STPG1: variants seen among roughly 807,000 people sequenced by gnomAD.
STPG1 encodes the protein O(6)-methylguanine-induced apoptosis 2.
A neutral mutation model predicts 40.1 loss-of-function variants in STPG1; 33 were observed. The observed-to-expected ratio is 0.82, with a 90% CI of 0.62 to 1.10. The LOEUF (loss-of-function observed/expected upper bound fraction) is 1.10. STPG1 is among the 50% of genes least tolerant of loss of function. STPG1 has a pLI of 0.00. For synonymous variants in STPG1, 150 were observed against 155.0 expected (o/e 0.97, Z 0.24); for missense variants, 396 against 415.1 (o/e 0.95, Z 0.40).
At chr1:24,378,840 C>A (rs144058360) in intron 5 of STPG1, among the ~76,000 whole-genome samples, 101 of 152,134 alleles carry the variant, frequency 6.6e-4, no homozygotes, top group Non-Finnish European at 1.1e-3. Context: ...TTATGGTAAC[C>A]CTGTAGGGCA....
intron 2 of STPG1, 70 bp from the exon 3 acceptor site, chr1:24,391,749 AG>A: frequency 7.8e-7 from 1 of 1,281,388 alleles, no homozygotes; most frequent in East Asian, 2.7e-5. Flanking sequence ...GAAAACACAA[AG>A]GTGTATATTA....
intron 1 of STPG1, among the ~76,000 whole-genome samples, chr1:24,411,047 G>C (rs942584333): frequency 1.3e-5 from 2 of 152,168 alleles, no homozygotes. Context: ...TGATCCATGT[G>C]AAGTGGTTAA....
At chr1:24,400,995 T>C (rs1643200689) in intron 2 of STPG1, 3 of 238,550 alleles carry the variant, frequency 1.3e-5, no homozygotes, top group Admixed American at 1.0e-4. Flanking sequence ...CAAGTTGAGT[T>C]CTAGGAAATA....
chr1:24,366,171 T>C (rs1261357172), intron 7 of STPG1, among the ~76,000 whole-genome samples: 1 of 152,154 alleles, frequency 6.6e-6, no homozygotes, highest in African/African-American at 2.4e-5. Context: ...CCAAGACAGA[T>C]GAGGGCAGGT....
chr1:24,384,440 T>C (rs948340447), intron 3 of STPG1, among the ~76,000 whole-genome samples: 2 of 152,184 alleles, frequency 1.3e-5, no homozygotes, highest in Non-Finnish European at 2.9e-5. Context: ...CCTCAGCCTT[T>C]CAGAAGAGAA....
chr1:24,403,413 T>G (rs983758024), intron 1 of STPG1, among the ~76,000 whole-genome samples: 10 of 152,198 alleles, frequency 6.6e-5, no homozygotes, highest in Non-Finnish European at 7.4e-5. Context: ...CTTTGTCTTA[T>G]TTTTCAAAAT....
intron 2 of STPG1, among the ~76,000 whole-genome samples, chr1:24,398,246 T>A (rs909007199): frequency 1.3e-5 from 2 of 152,098 alleles, no homozygotes; most frequent in Non-Finnish European, 2.9e-5. Context: ...AAGTAACTGT[T>A]TAGTAGATAC....
At chr1:24,391,061 A>G (rs1306782185) in intron 3 of STPG1, 3 of 152,308 alleles carry the variant, frequency 2.0e-5, no homozygotes, top group Non-Finnish European at 4.4e-5. Flanking sequence ...CAAGCAATTA[A>G]TTCTCCCACC....
chr1:24,374,150 T>C (rs1212142732), intron 5 of STPG1, among the ~76,000 whole-genome samples: 3 of 151,954 alleles, frequency 2.0e-5, no homozygotes, highest in Non-Finnish European at 4.4e-5. Flanking sequence ...CCCAGTTTTC[T>C]CATCTGTAAA....
At chr1:24,412,730 T>A (rs12030365) in intron 1 of STPG1, among the ~76,000 whole-genome samples, 57,290 of 152,002 alleles carry the variant, frequency 0.38, 10,892 homozygotes, top group East Asian at 0.46. Context: ...ATTTTTAAAA[T>A]TAGTATTTTC....
At chr1:24,388,127 A>G (rs1642595019) in intron 3 of STPG1, among the ~76,000 whole-genome samples, 1 of 152,054 alleles carries the variant, frequency 6.6e-6, no homozygotes, top group South Asian at 2.1e-4. Flanking sequence ...GAGGTGTAGA[A>G]CCATGAAATA....
At chr1:24,412,269 A>G (rs1364772204) in intron 1 of STPG1, among the ~76,000 whole-genome samples, 2 of 152,146 alleles carry the variant, frequency 1.3e-5, no homozygotes, top group Non-Finnish European at 2.9e-5. Flanking sequence ...CTTTTGCCAC[A>G]TATCTCCTTG....
At chr1:24,367,975 C>CTTTGTCCTCTTGTCCA (rs1641554823) in intron 7 of STPG1, among the ~76,000 whole-genome samples, 1 of 152,182 alleles carries the variant, frequency 6.6e-6, no homozygotes. Flanking sequence ...AACTCCAACA[C>CTTTGTCCTCTTGTCCA]CTGTCCTCTT....
intron 1 of STPG1, among the ~76,000 whole-genome samples, chr1:24,406,595 CTTTA>C (rs954413692): frequency 2.0e-5 from 3 of 151,990 alleles, no homozygotes; most frequent in South Asian, 2.1e-4. Context: ...CTGAAATGGT[CTTTA>C]TTTTTCTTTT....
intron 2 of STPG1, among the ~76,000 whole-genome samples, chr1:24,400,356 A>G (rs1643175457): frequency 6.6e-6 from 1 of 152,204 alleles, no homozygotes; most frequent in Non-Finnish European, 1.5e-5. Flanking sequence ...TTACTTTTGC[A>G]GGGAAGGGAG....
At chr1:24,376,721 G>A (rs893722335) in intron 5 of STPG1, among the ~76,000 whole-genome samples, 1 of 152,146 alleles carries the variant, frequency 6.6e-6, no homozygotes, top group Non-Finnish European at 1.5e-5. Flanking sequence ...GCTACAACCG[G>A]GAGGCTGCAG....
intron 5 of STPG1, among the ~76,000 whole-genome samples, chr1:24,374,247 T>C (rs1332236870): frequency 1.2e-5 from 1 of 85,868 alleles, no homozygotes; most frequent in Admixed American, 1.1e-4. Context: ...GGAAAGTGTT[T>C]TTTTTTTTTG....
At position 24,398,002 on chromosome 1, in the gene STPG1, A is replaced by G. The variant is rs1643075891; in HGVS notation, c.70+3317T>C. 2.0e-5 allele frequency among the ~76,000 whole-genome samples: 3 copies of G among 152,238 alleles called. No homozygotes were observed. The South Asian group carries it at 6.2e-4, about 32-fold the overall frequency. ...GATCATATGTTTAACTTTTTAAAAA[A>G]CTGTCAAACTATTTTTCATAGTCGT... On this transcript the variant is annotated intron_variant, in intron 2 of 8. Coordinates refer to ENST00000337248, the MANE Select transcript of STPG1 (RefSeq NM_001199013.2).
intron 1 of STPG1, chr1:24,411,558 C>G (rs1005566149): frequency 6.6e-6 from 1 of 152,306 alleles, no homozygotes; most frequent in African/African-American, 2.4e-5. Context: ...CCTCCCACCT[C>G]AGCCTCCAGA....
Sources: gnomAD v4.1 joint callset for allele counts (sites outside exome capture counted in the v4.1 genomes callset) on GRCh38, gnomAD v4.1.1 for gene constraint, MANE v1.5 for transcripts, NCBI Gene and HGNC (gene_info 2026-07-23, HGNC 2026-07-21) for gene names.